Variants in LLGL2 observed in about 807,000 individuals in gnomAD.
LLGL2 encodes the protein LLGL2, scribble cell polarity complex component.
Under a neutral mutation model 123.2 loss-of-function variants are expected in LLGL2, and 81 were observed. The ratio of observed to expected loss-of-function variants is 0.66; its 90% confidence interval spans 0.55 to 0.79. LLGL2 has a LOEUF of 0.79. Among genes scored for constraint, LLGL2 ranks in the 30% least tolerant of loss-of-function variants. The probability of loss-of-function intolerance (pLI) is 0.00; values close to 1 mark genes in which losing one functional copy is unlikely to be tolerated. For synonymous variants in LLGL2, 577 were observed against 594.1 expected (o/e 0.97, Z 0.42); for missense variants, 1,273 against 1,414.6 (o/e 0.90, Z 1.61).
At position 75,570,137 on chromosome 17, in the gene LLGL2, C is replaced by T. The variant is rs1357641058; in HGVS notation, c.1756C>T (p.Gln586Ter). 6.3e-7 allele frequency: 1 copy of T among 1,592,998 alleles called. No individual in the cohort carries two copies. Among genetic ancestry groups the T allele is most frequent in the Non-Finnish European group, 8.5e-7 (1 of 1,170,340 alleles). ...GFQPFVLVQC[Q>*]PPAVVTSLAL... Reference sequence around the variant, plus strand: ...TCAGCCCTTCGTGTTGGTGCAGTGTCAGCCCCCGGCTGTGGTCACCTCCTT... The same window carrying T: ...TCAGCCCTTCGTGTTGGTGCAGTGTTAGCCCCCGGCTGTGGTCACCTCCTT... Residue 586 changes from glutamine (Q) to a stop codon, truncating the protein, a stop_gained, in exon 15 of 26, where the codon CAG becomes TAG. Transcript: ENST00000392550. LOFTEE classifies it high-confidence loss of function.
At chr17:75,539,413 C>CTTTTTTT (rs1254885147) in intron 1 of LLGL2, among the ~76,000 whole-genome samples, 1 of 141,446 alleles carries the variant, frequency 7.1e-6, no homozygotes, top group Non-Finnish European at 1.6e-5. Context: ...ATGTCCTTTC[C>CTTTTTTT]TTTTTTTTTT....
intron 25 of LLGL2, 101 bp from the exon 26 acceptor site, chr17:75,574,770 C>T (rs2055898484): frequency 2.5e-6 from 4 of 1,589,284 alleles, no homozygotes; most frequent in East Asian, 2.2e-5. Flanking sequence ...CTGACACGTG[C>T]CCTGATGACC....
chr17:75,573,589 C>T lies in LLGL2; in HGVS notation c.2834C>T (p.Pro945Leu). Residue 945 changes from proline (P) to leucine (L), a missense_variant, in exon 21 of 26, where the codon CCT becomes CTT. Coordinates refer to ENST00000392550, the MANE Select transcript of LLGL2 (RefSeq NM_001031803.2). ...TCAGCAGAAACCAAGAACCACCGCC[C>T]TGGTAACGGTGCGGGCCCCAAGAAG... ...VDSAETKNHRPGNGAGPKKAP... is the reference protein window; with the variant it reads ...VDSAETKNHRLGNGAGPKKAP... 1 of 1,612,420 alleles carries T rather than the reference C, an allele frequency of 6.2e-7. No homozygotes were observed. Among genetic ancestry groups the T allele is most frequent in the African/African-American group, 1.3e-5 (1 of 75,048 alleles).
At chr17:75,531,042 C>A (rs1049472768) in intron 1 of LLGL2, among the ~76,000 whole-genome samples, 21 of 152,204 alleles carry the variant, frequency 1.4e-4, no homozygotes, top group Middle Eastern at 3.4e-3. Flanking sequence ...GTGAGTTCTG[C>A]CCCAGCTGAG....
upstream of LLGL2, chr17:75,525,191 A>ACCC (rs142268975): frequency 1.2e-5 from 1 of 85,034 alleles, no homozygotes; most frequent in African/African-American, 4.3e-5. This position sits in a 1 kb window ranked among gnomAD's most constrained non-coding sequence, Gnocchi z 4.8. Flanking sequence ...GCCCCCCCGC[A>ACCC]CCCCCCCCCG....
In LLGL2 at chr17:75,543,410, G is replaced by A; in HGVS notation, c.-17G>A. The A allele has an allele frequency of 6.2e-7, 1 of 1,601,842 alleles. No individual in the cohort carries two copies. The highest frequency in any genetic ancestry group is 8.5e-7 in the Non-Finnish European group (1 of 1,172,802). ...CTGTTTCTCCAGGTCTCCAGTGGGG[G>A]CTGCAGACTAAGCAAAATGAGGCGG... On this transcript the variant is annotated 5_prime_UTR_variant, in exon 2 of 26. Coordinates refer to ENST00000392550, the MANE Select transcript of LLGL2 (RefSeq NM_001031803.2).
chr17:75,569,142 G>A lies in LLGL2; in HGVS notation c.1476+11G>A, dbSNP rs148701538. On this transcript the variant is annotated intron_variant, in intron 13 of 25. Coordinates refer to ENST00000392550, the MANE Select transcript of LLGL2 (RefSeq NM_001031803.2). ...CCCCCACTCCGCAAGGTGAGGCCAG[G>A]AGCCTGGGACCCAGGAAGGGCAGAG... 3.1e-3 allele frequency: 5,045 copies of A among 1,613,300 alleles called. 81 individuals are homozygous for A. The African/African-American group carries it at 0.041, about 13-fold the overall frequency.
intron 19 of LLGL2, among the ~76,000 whole-genome samples, chr17:75,572,806 C>T (rs2055783855): frequency 6.6e-6 from 1 of 150,490 alleles, no homozygotes; most frequent in African/African-American, 2.5e-5. Flanking sequence ...GGCGACAGAG[C>T]AAGACTCCAT....
intron 1 of LLGL2, among the ~76,000 whole-genome samples, chr17:75,527,573 TC>T (rs941100358): frequency 1.2e-3 from 184 of 152,182 alleles, no homozygotes; most frequent in African/African-American, 4.0e-3. Context: ...GTAACTTTTT[TC>T]TCTTTTTTTT....
At chr17:75,565,086 G>A (rs1230711602) in intron 10 of LLGL2, among the ~76,000 whole-genome samples, 3 of 152,182 alleles carry the variant, frequency 2.0e-5, no homozygotes, top group Admixed American at 6.5e-5. Flanking sequence ...GCCCACAGGG[G>A]GCTGATCTGT....
intron 1 of LLGL2, among the ~76,000 whole-genome samples, chr17:75,526,458 C>T (rs2053576069): frequency 6.6e-6 from 1 of 152,178 alleles, no homozygotes; most frequent in Non-Finnish European, 1.5e-5. Flanking sequence ...TGGGATTTGG[C>T]GAGAAGTGGA....
chr17:75,558,132 A>G lies in LLGL2; in HGVS notation c.174-23A>G. 6.2e-7 allele frequency: 1 copy of G among 1,612,186 alleles called. No individual in the cohort carries two copies. The highest frequency in any genetic ancestry group is 8.5e-7 in the Non-Finnish European group (1 of 1,178,560). ...CAGGGGATGGTGTCCGACCTTCCAG[A>G]GCTTTCCTGAGCCTACTCCTAGCTA... On this transcript the variant is annotated intron_variant, in intron 3 of 25. Coordinates refer to ENST00000392550, the MANE Select transcript of LLGL2 (RefSeq NM_001031803.2). The surrounding 1 kb of genome is among the most constrained non-coding windows in gnomAD (Gnocchi z 4.0).
chr17:75,541,777 CGG>C (rs2054220326), intron 1 of LLGL2, among the ~76,000 whole-genome samples: 4 of 141,698 alleles, frequency 2.8e-5, no homozygotes, highest in Non-Finnish European at 4.5e-5. Flanking sequence ...TTGCCCAGGC[CGG>C]AGTGCAATGG....
At chr17:75,574,387 G>T in intron 23 of LLGL2, 66 bp from the exon 24 acceptor site, 1 of 1,543,074 alleles carries the variant, frequency 6.5e-7, no homozygotes, top group East Asian at 2.4e-5. Context: ...GGAGAAAGGG[G>T]GTGGAAGGGC....
intron 2 of LLGL2, among the ~76,000 whole-genome samples, chr17:75,545,191 C>T (rs1424409235): frequency 6.6e-6 from 1 of 152,100 alleles, no homozygotes; most frequent in Non-Finnish European, 1.5e-5. Flanking sequence ...GGAGTTGTCC[C>T]TTCTTCTTTC....
At position 75,564,879 on chromosome 17, in the gene LLGL2, A is replaced by AAAG. The variant is rs59495109; in HGVS notation, c.1036+372_1036+373insAAG. ...CTGTGTCTCAAAAAAAAAAAAAAAA[A>AAAG]GGGCTCTGCACAGATGTTCCTAAGC... is the stretch of plus-strand genomic sequence containing the variant. On this transcript the variant is annotated intron_variant, in intron 10 of 25. Coordinates refer to ENST00000392550, the MANE Select transcript of LLGL2 (RefSeq NM_001031803.2). This position sits in a 1 kb window ranked among gnomAD's most constrained non-coding sequence, Gnocchi z 4.9. Among the ~76,000 whole-genome samples, 28 of 148,412 alleles carry AAAG rather than the reference A, an allele frequency of 1.9e-4. No individual in the cohort carries two copies. Among genetic ancestry groups the AAAG allele is most frequent in the East Asian group, 3.9e-4 (2 of 5,080 alleles).
rs1598593114 is a variant in LLGL2, at chr17:75,558,323, C to G, written c.255+87C>G. ...AGCAGGGCTGGTGTGGAGAGGCTGGCATTCGGTGGCCCTGGGTTTGCTGCT... is the reference window on the plus strand; with the variant it reads ...AGCAGGGCTGGTGTGGAGAGGCTGGGATTCGGTGGCCCTGGGTTTGCTGCT... On this transcript the variant is annotated intron_variant, in intron 4 of 25. Coordinates refer to ENST00000392550, the MANE Select transcript of LLGL2 (RefSeq NM_001031803.2). The surrounding 1 kb of genome is among the most constrained non-coding windows in gnomAD (Gnocchi z 4.0). 1 of 1,370,184 alleles carries G rather than the reference C, an allele frequency of 7.3e-7. No homozygotes were observed. The highest frequency in any genetic ancestry group is 1.0e-6 in the Non-Finnish European group (1 of 985,174). The allele number at this position is 1,370,184 out of a possible 1,614,324, so 84.9% of individuals were successfully genotyped here. A position where few individuals can be genotyped will look rare whatever the true frequency, so the allele number is the denominator to read the frequency against.
Position 75,559,504 on chromosome 17 carries a change from T to A in LLGL2, c.530+94T>A, listed in dbSNP as rs2305527. 12,523 of 1,452,994 alleles carry A rather than the reference T, an allele frequency of 8.6e-3. 437 individuals carry two copies. The East Asian group carries it at 0.11, about 13-fold the overall frequency. The allele number at this position is 1,452,994 out of a possible 1,614,324, so 90.0% of individuals were successfully genotyped here. On this transcript the variant is annotated intron_variant, in intron 6 of 25. Coordinates refer to ENST00000392550, the MANE Select transcript of LLGL2 (RefSeq NM_001031803.2). This position sits in a 1 kb window ranked among gnomAD's most constrained non-coding sequence, Gnocchi z 4.6. ...CAGGACTCTGTCAGGAGCTGTCATTTCTCTGCTGGGAATTCCATGGGGCTA... is the reference window on the plus strand; with the variant it reads ...CAGGACTCTGTCAGGAGCTGTCATTACTCTGCTGGGAATTCCATGGGGCTA...
intron 16 of LLGL2, 67 bp downstream of exon 16, chr17:75,570,565 G>A (rs2055657400): frequency 6.6e-7 from 1 of 1,509,418 alleles, no homozygotes; most frequent in African/African-American, 1.4e-5. Flanking sequence ...CCAGCAGGGG[G>A]GCCACACGGC....
Sources: allele counts gnomAD v4.1 joint callset (sites outside exome capture counted in the v4.1 genomes callset), GRCh38; gene constraint gnomAD v4.1.1; non-coding constraint Gnocchi (gnomAD v3.1); transcripts MANE v1.5; gene names NCBI Gene and HGNC (gene_info 2026-07-23, HGNC 2026-07-21).